TMEM9: variants seen among roughly 807,000 people sequenced by gnomAD.
TMEM9 encodes the protein proton-transporting V-type ATPase complex assembly regulator TMEM9.
TMEM9 carries 13 observed loss-of-function variants against 22.8 expected under a neutral mutation model. The ratio of observed to expected loss-of-function variants is 0.57; its 90% CI spans 0.37 to 0.91. TMEM9 has a LOEUF of 0.91. Ranked by LOEUF, TMEM9 falls within the 40% of genes least tolerant of loss-of-function variation. TMEM9 has a pLI of 0.01. For synonymous variants in TMEM9, 88 were observed against 93.0 expected (o/e 0.95, Z 0.31); for missense variants, 182 against 238.1 (o/e 0.76, Z 1.55).
chr1:201,137,414 T>A (rs1664098703), intron 4 of TMEM9, among the ~76,000 whole-genome samples: 1 of 151,606 alleles, frequency 6.6e-6, no homozygotes, highest in Middle Eastern at 3.2e-3. Flanking sequence ...GTAAATGTAG[T>A]CATTGAGACT....
rs568013914 is a variant in TMEM9, at chr1:201,148,142, G to A, written c.159-1294C>T. On this transcript the variant is annotated intron_variant, in intron 2 of 4. Coordinates refer to ENST00000367330, the MANE Select transcript of TMEM9 (RefSeq NM_001288565.2). ...CACTTTCATCTAACAGCACTCTTGC[G>A]TAAGGTGGGATAAAGATCATAGGTT... 3.3e-5 allele frequency among the ~76,000 whole-genome samples: 5 copies of A among 152,280 alleles called. No homozygotes were observed. In the East Asian group the frequency reaches 5.8e-4, roughly 18 times the overall value.
chr1:201,150,023 A>C (rs1665296159), intron 2 of TMEM9, among the ~76,000 whole-genome samples: 1 of 152,196 alleles, frequency 6.6e-6, no homozygotes. Flanking sequence ...GAAGGAGATA[A>C]ACTACAGCCT....
chr1:201,163,503 T>C (rs994069150), intron 1 of TMEM9, among the ~76,000 whole-genome samples: 1 of 151,818 alleles, frequency 6.6e-6, no homozygotes, highest in African/African-American at 2.4e-5. Flanking sequence ...GACATGAGAA[T>C]TGCTTGAACC....
chr1:201,139,419 G>C (rs1332014676), intron 4 of TMEM9, among the ~76,000 whole-genome samples: 2 of 152,180 alleles, frequency 1.3e-5, no homozygotes, highest in Admixed American at 1.3e-4. Context: ...CTGCTGCGAG[G>C]CTCTCCCTGA....
At chr1:201,159,795 A>G (rs1665897616) in intron 1 of TMEM9, among the ~76,000 whole-genome samples, 1 of 152,212 alleles carries the variant, frequency 6.6e-6, no homozygotes, top group Non-Finnish European at 1.5e-5. Context: ...TACCTGGTTT[A>G]CTATTTTTTT....
intron 2 of TMEM9, among the ~76,000 whole-genome samples, chr1:201,149,906 T>C (rs1665287145): frequency 6.6e-6 from 1 of 152,200 alleles, no homozygotes; most frequent in South Asian, 2.1e-4. Flanking sequence ...CCTGGAGTCT[T>C]TCCTCCAGCC....
chr1:201,135,822 T>G lies in TMEM9; in HGVS notation c.400-7A>C. 1 of 1,581,028 alleles carries G rather than the reference T, an allele frequency of 6.3e-7. No homozygotes were observed. ...CTGCCATAGAGCGAGCATCCTGTAG[T>G]GGGAAGAAAAAAAGAGAAGATCTGG... On this transcript the variant is annotated splice_region_variant and splice_polypyrimidine_tract_variant and intron_variant, in intron 4 of 4. Coordinates refer to ENST00000367330, the MANE Select transcript of TMEM9 (RefSeq NM_001288565.2).
At chr1:201,151,123 A>C (rs964837890) in intron 2 of TMEM9, among the ~76,000 whole-genome samples, 9 of 152,198 alleles carry the variant, frequency 5.9e-5, no homozygotes, top group African/African-American at 2.2e-4. Context: ...GCTTTCAATC[A>C]ATCATCGTGT....
In TMEM9 at chr1:201,153,976, G is replaced by T; in HGVS notation, c.-53C>A. 6.4e-7 allele frequency: 1 copy of T among 1,566,764 alleles called. No homozygotes were observed. The highest frequency in any genetic ancestry group is 8.7e-7 in the Non-Finnish European group (1 of 1,155,998). On this transcript the variant is annotated 5_prime_UTR_variant, in exon 1 of 5. Transcript: ENST00000367330. ...GCCGGACACCTGGAAAAAGAGATACGGAGTCGGAGAAGGGGAAGGTGGCCA... is the reference window on the plus strand; with the variant it reads ...GCCGGACACCTGGAAAAAGAGATACTGAGTCGGAGAAGGGGAAGGTGGCCA...
At chr1:201,149,312 G>A (rs1393753928) in intron 2 of TMEM9, among the ~76,000 whole-genome samples, 4 of 152,178 alleles carry the variant, frequency 2.6e-5, no homozygotes, top group Non-Finnish European at 4.4e-5. Flanking sequence ...ACCACTGTAC[G>A]GTGGGGTGGT....
rs1663906465 is a variant in TMEM9 at position 201,135,498 on chromosome 1, T to C, written c.*165A>G. 1 of 677,458 alleles carries C rather than the reference T, an allele frequency of 1.5e-6. No homozygotes were observed. The highest frequency in any genetic ancestry group is 2.7e-5 in the South Asian group (1 of 37,336). 42.0% of individuals were successfully genotyped at this position (677,458 alleles called of 1,614,324 possible). ...CCACATCCCTCTTCCCTAATCAAAA[T>C]AGCCAAGTACAACATTTCTAAAGTT... On this transcript the variant is annotated 3_prime_UTR_variant, in exon 5 of 5. Coordinates refer to ENST00000367330, the MANE Select transcript of TMEM9 (RefSeq NM_001288565.2).
At chr1:201,159,574 C>CG (rs1665890865) in intron 1 of TMEM9, among the ~76,000 whole-genome samples, 1 of 104,502 alleles carries the variant, frequency 9.6e-6, no homozygotes, top group African/African-American at 3.2e-5. Flanking sequence ...AGCAATTAAA[C>CG]CTTTTTTTTT....
At chr1:201,145,975 A>G (rs1051198148) in intron 3 of TMEM9, among the ~76,000 whole-genome samples, 3 of 152,188 alleles carry the variant, frequency 2.0e-5, no homozygotes, top group Non-Finnish European at 2.9e-5. Flanking sequence ...AAAACAAACA[A>G]AAAAAGAAAT....
intron 1 of TMEM9, among the ~76,000 whole-genome samples, chr1:201,165,541 A>C (rs1387077088): frequency 6.6e-6 from 1 of 150,832 alleles, no homozygotes; most frequent in Non-Finnish European, 1.5e-5. Context: ...GGTTCAAGGG[A>C]TCCTCCTGCC....
At chr1:201,151,378 C>A (rs1211479919) in intron 2 of TMEM9, among the ~76,000 whole-genome samples, 1 of 152,216 alleles carries the variant, frequency 6.6e-6, no homozygotes, top group Admixed American at 6.5e-5. Flanking sequence ...TACAAGGATG[C>A]TATAAGACTG....
chr1:201,151,674 G>A, intron 2 of TMEM9, 87 bp downstream of exon 2: 5 of 957,770 alleles, frequency 5.2e-6, no homozygotes, highest in Non-Finnish European at 8.5e-6. Context: ...GGGAGAGCAT[G>A]CTTATCCTCC....
At chr1:201,140,838 G>C (rs1468655646) in intron 4 of TMEM9, among the ~76,000 whole-genome samples, 2 of 152,178 alleles carry the variant, frequency 1.3e-5, no homozygotes, top group African/African-American at 4.8e-5. Context: ...GAAACCCAGA[G>C]ACATGGCTAC....
At chr1:201,147,783 G>C (rs6664624) in intron 2 of TMEM9, among the ~76,000 whole-genome samples, 8 of 151,822 alleles carry the variant, frequency 5.3e-5, no homozygotes, top group Admixed American at 2.6e-4. Flanking sequence ...CTCTTGCTAC[G>C]CCTCCCTCAC....
chr1:201,138,580 C>T (rs1015446940), intron 4 of TMEM9, among the ~76,000 whole-genome samples: 1 of 152,148 alleles, frequency 6.6e-6, no homozygotes, highest in South Asian at 2.1e-4. Flanking sequence ...TGGAGCCCCT[C>T]CCAATCAGAA....
Sources: allele counts gnomAD v4.1 joint callset (sites outside exome capture counted in the v4.1 genomes callset), GRCh38; gene constraint gnomAD v4.1.1; transcripts MANE v1.5; gene names NCBI Gene and HGNC (gene_info 2026-07-23, HGNC 2026-07-21).